The following KDM6A variants were observed in gnomAD, a reference collection of about 807,000 sequenced individuals.
The protein encoded by KDM6A is lysine-specific demethylase 6A.
Under a neutral mutation model 117.6 loss-of-function variants are expected in KDM6A, and 11 were observed. That is an observed-to-expected ratio of 0.09 (90% CI 0.06 to 0.15). The LOEUF (loss-of-function observed/expected upper bound fraction) is 0.15. Ranked by LOEUF, KDM6A falls within the 10% of genes least tolerant of loss-of-function variation. The probability of loss-of-function intolerance (pLI) is 1.00; values close to 1 mark genes in which losing one functional copy is unlikely to be tolerated. For missense variants in KDM6A, 799 were observed against 1,077.3 expected (o/e 0.74, Z 3.62); for synonymous variants, 384 against 396.1 (o/e 0.97, Z 0.36).
At chrX:44,956,492 C>T (rs1436648373) in intron 2 of KDM6A, among the ~76,000 whole-genome samples, 1 of 110,752 alleles carries the variant, frequency 9.0e-6, no homozygotes, top group Admixed American at 9.6e-5. Context: ...CTCATCTTCC[C>T]AGACCCAAGC....
intron 3 of KDM6A, among the ~76,000 whole-genome samples, chrX:44,973,897 C>T (rs1443299382): frequency 9.0e-6 from 1 of 110,971 alleles, no homozygotes; most frequent in Non-Finnish European, 1.9e-5. Flanking sequence ...CCTGCACACA[C>T]CCCCTTTTCA....
At chrX:44,902,304 A>T (rs924886083) in intron 2 of KDM6A, among the ~76,000 whole-genome samples, 2 of 111,750 alleles carry the variant, frequency 1.8e-5, no homozygotes, top group Admixed American at 1.9e-4. Context: ...TTATGTGATG[A>T]TTGATAAAGT....
intron 2 of KDM6A, among the ~76,000 whole-genome samples, chrX:44,876,617 C>A (rs1298633864): frequency 2.0e-4 from 18 of 88,918 alleles, no homozygotes; most frequent in African/African-American, 6.8e-4. Flanking sequence ...CCTGCCATGC[C>A]CCCCCACCCC....
chrX:45,026,287 C>A (rs1363617269), intron 6 of KDM6A, among the ~76,000 whole-genome samples: 2 of 111,620 alleles, frequency 1.8e-5, no homozygotes, highest in Non-Finnish European at 3.8e-5. Context: ...GCTCCACTGT[C>A]TTTGTACCAT....
chrX:45,091,255 C>T (rs2045884036), intron 27 of KDM6A, among the ~76,000 whole-genome samples: 1 of 111,305 alleles, frequency 9.0e-6, no homozygotes. Context: ...GACTAAAATG[C>T]TGATTTTTTA....
intron 2 of KDM6A, among the ~76,000 whole-genome samples, chrX:44,944,911 T>C (rs963397204): frequency 9.0e-6 from 1 of 111,410 alleles, no homozygotes; most frequent in Non-Finnish European, 1.9e-5. Context: ...CAGGTACTCT[T>C]TATTTTGTTG....
chrX:44,930,782 T>C (rs1449864181), intron 2 of KDM6A, among the ~76,000 whole-genome samples: 1 of 112,260 alleles, frequency 8.9e-6, no homozygotes, highest in Admixed American at 9.5e-5. Flanking sequence ...TGAAAAATTA[T>C]GGATAATCTC....
intron 4 of KDM6A, among the ~76,000 whole-genome samples, chrX:44,990,570 A>ATAAATAAAT (rs1556036528): frequency 1.8e-5 from 2 of 109,473 alleles, no homozygotes; most frequent in East Asian, 5.7e-4. Flanking sequence ...AAATAAATAA[A>ATAAATAAAT]TAAATAAATA....
At chrX:45,038,602 GT>G (rs2042918475) in intron 8 of KDM6A, among the ~76,000 whole-genome samples, 2 of 106,796 alleles carry the variant, frequency 1.9e-5, no homozygotes, top group African/African-American at 7.0e-5. Context: ...TTGGGGGGGG[GT>G]GGTTGGAGGC....
chrX:45,095,797 A>T (rs941491684), intron 27 of KDM6A, among the ~76,000 whole-genome samples: 6 of 112,179 alleles, frequency 5.3e-5, no homozygotes, highest in Non-Finnish European at 1.1e-4. Flanking sequence ...GTCACCAGTG[A>T]CCAACTGTTG....
intron 6 of KDM6A, among the ~76,000 whole-genome samples, chrX:45,027,336 AACACACAC>A (rs200245833): frequency 1.3e-4 from 13 of 98,141 alleles, no homozygotes; most frequent in South Asian, 4.7e-4. Context: ...CATAGTGTGA[AACACACAC>A]ACACACACAC....
At chrX:45,082,159 C>T (rs1167272408) in intron 21 of KDM6A, among the ~76,000 whole-genome samples, 1 of 110,220 alleles carries the variant, frequency 9.1e-6, no homozygotes, top group Non-Finnish European at 1.9e-5. Flanking sequence ...AGTTTCAAGG[C>T]CAGGCATGGT....
At chrX:44,883,523 C>T (rs2032523698) in intron 2 of KDM6A, among the ~76,000 whole-genome samples, 1 of 110,851 alleles carries the variant, frequency 9.0e-6, no homozygotes, top group South Asian at 3.8e-4. Flanking sequence ...CAAGCGTGCG[C>T]CACCATGCCT....
intron 27 of KDM6A, among the ~76,000 whole-genome samples, chrX:45,095,954 T>C (rs1257263748): frequency 8.9e-6 from 1 of 112,316 alleles, no homozygotes; most frequent in Non-Finnish European, 1.9e-5. Context: ...AATTGTTTTC[T>C]ATTTATTAAT....
rs766167940 is a variant in KDM6A, at chrX:45,090,717, T to C, written c.3893-6T>C. On this transcript the variant is annotated splice_polypyrimidine_tract_variant and splice_region_variant and intron_variant, in intron 26 of 29. Coordinates refer to ENST00000611820, the MANE Select transcript of KDM6A (RefSeq NM_001291415.2). ...GTTGCTTTATAACTGTTTTTTTTTT[T>C]CCTAGCCTGCCAGTATAAATTGGCA... The C allele has an allele frequency of 3.3e-6, 4 of 1,209,514 alleles. No homozygotes were observed. The Admixed American group carries it at 6.5e-5, about 20-fold the overall frequency.
intron 2 of KDM6A, among the ~76,000 whole-genome samples, chrX:44,946,002 G>A (rs926090657): frequency 8.9e-5 from 10 of 112,423 alleles, no homozygotes; most frequent in African/African-American, 1.3e-4. Flanking sequence ...ATCTGAATGC[G>A]TAATGCAACT....
At chrX:44,980,033 G>C (rs1249726956) in intron 4 of KDM6A, among the ~76,000 whole-genome samples, 8 of 86,498 alleles carry the variant, frequency 9.2e-5, no homozygotes, top group African/African-American at 3.1e-4. Flanking sequence ...GTCTCTCTCT[G>C]TCGCCTAGGC....
At chrX:44,897,269 G>GTTTTTTTTTTTTTTTTTTGTT (rs1207197202) in intron 2 of KDM6A, among the ~76,000 whole-genome samples, 1 of 68,761 alleles carries the variant, frequency 1.5e-5, no homozygotes, top group Non-Finnish European at 2.9e-5. Flanking sequence ...TTTATTTTAG[G>GTTTTTTTTTTTTTTTTTTGTT]TTTTTTTTTT....
chrX:44,945,524 G>A (rs1375005684), intron 2 of KDM6A, among the ~76,000 whole-genome samples: 2 of 110,650 alleles, frequency 1.8e-5, no homozygotes, highest in African/African-American at 6.6e-5. Context: ...TAATTCAAAT[G>A]TATGCCTTGT....
Sources: allele counts gnomAD v4.1 joint callset (sites outside exome capture counted in the v4.1 genomes callset), GRCh38; gene constraint gnomAD v4.1.1; transcripts MANE v1.5; gene names NCBI Gene and HGNC (gene_info 2026-07-23, HGNC 2026-07-21).